The following PCDHGA12 variants were observed in gnomAD, a reference collection of about 807,000 sequenced individuals.
PCDHGA12 encodes the protein protocadherin gamma subfamily A, 12, also known as protocadherin gamma-A12.
PCDHGA12 carries 43 observed loss-of-function variants against 61.1 expected under a neutral mutation model. The ratio of observed to expected loss-of-function variants is 0.70; its 90% CI spans 0.55 to 0.91. The LOEUF (loss-of-function observed/expected upper bound fraction) is 0.91, where lower values mean the gene tolerates loss of function less well. Ranked by LOEUF, PCDHGA12 falls within the 40% of genes least tolerant of loss-of-function variation. The pLI, the probability that PCDHGA12 is intolerant of heterozygous loss-of-function variation, is 0.00. For missense variants in PCDHGA12, 1,236 were observed against 1,227.7 expected (o/e 1.01, Z -0.10); for synonymous variants, 520 against 542.9 (o/e 0.96, Z 0.59).
intron 1 of PCDHGA12, among the ~76,000 whole-genome samples, chr5:141,468,914 G>A (rs563780068): frequency 2.6e-5 from 4 of 151,700 alleles, no homozygotes; most frequent in Admixed American, 2.6e-4. Context: ...CAGACTAGAA[G>A]AGAATAGCAC....
chr5:141,505,405 C>T lies in PCDHGA12; in HGVS notation c.2496C>T (p.Gly832=), dbSNP rs745516568. 2.5e-6 allele frequency: 4 copies of T among 1,614,130 alleles called. No individual in the cohort carries two copies. The highest frequency in any genetic ancestry group is 3.3e-4 in the Middle Eastern group (2 of 6,062). ...QRPGTSGSQN[G]DDTGTWPNNQ... ...ACTCTCTCCCCAGCTCCCAAAATGG[C>T]GATGACACCGGCACCTGGCCCAACA... Residue 832 remains glycine (G), a synonymous_variant, in exon 3 of 4, where the codon GGC becomes GGT. Transcript: ENST00000252085.
chr5:141,502,516 A>G (rs947349505), intron 2 of PCDHGA12, among the ~76,000 whole-genome samples: 1 of 152,146 alleles, frequency 6.6e-6, no homozygotes, highest in African/African-American at 2.4e-5. Flanking sequence ...TCCCACTATC[A>G]GTGATGCCGA....
intron 2 of PCDHGA12, among the ~76,000 whole-genome samples, chr5:141,501,333 A>ACACACC (rs1186649373): frequency 1.5e-4 from 21 of 140,134 alleles, no homozygotes; most frequent in African/African-American, 3.4e-4. Flanking sequence ...ACACACACAC[A>ACACACC]CCCCAAACTC....
chr5:141,451,163 G>A (rs2098709493), intron 1 of PCDHGA12, among the ~76,000 whole-genome samples: 1 of 152,086 alleles, frequency 6.6e-6, no homozygotes, highest in African/African-American at 2.4e-5. Flanking sequence ...TTTTTTGGTA[G>A]TATATTATTT....
chr5:141,460,214 G>C (rs925628892), intron 1 of PCDHGA12, among the ~76,000 whole-genome samples: 1 of 151,896 alleles, frequency 6.6e-6, no homozygotes, highest in South Asian at 2.1e-4. Flanking sequence ...CATTTTCTTA[G>C]TTGTGTCTTT....
rs1187424114 is a variant in PCDHGA12, at chr5:141,485,341, G to A, written c.2425-9466G>A. On this transcript the variant is annotated intron_variant, in intron 1 of 3. Transcript: ENST00000252085. The surrounding 1 kb of genome is among the most constrained non-coding windows in gnomAD (Gnocchi z 5.7). ...TCGCTCAAGATTTCCTGCTGGATAC[G>A]GACAGTCTGTCAGCTCGCAGGCTGC... 2 of 1,614,118 alleles carry A rather than the reference G, an allele frequency of 1.2e-6. No individual in the cohort carries two copies. The highest frequency in any genetic ancestry group is 1.7e-5 in the Admixed American group (1 of 60,018).
chr5:141,490,380 T>C lies in PCDHGA12; in HGVS notation c.2425-4427T>C, dbSNP rs1246254637. 1 of 1,614,204 alleles carries C rather than the reference T, an allele frequency of 6.2e-7. No individual in the cohort carries two copies. ...TTAATGTGCGAGACCGGGACTCAGGTAGAAATGGTGAAGTGAGCCTTGATA... is the reference window on the plus strand; with the variant it reads ...TTAATGTGCGAGACCGGGACTCAGGCAGAAATGGTGAAGTGAGCCTTGATA... On this transcript the variant is annotated intron_variant, in intron 1 of 3. Coordinates refer to ENST00000252085, the MANE Select transcript of PCDHGA12 (RefSeq NM_003735.3). This position sits in a 1 kb window ranked among gnomAD's most constrained non-coding sequence, Gnocchi z 5.4.
intron 1 of PCDHGA12, among the ~76,000 whole-genome samples, chr5:141,444,735 C>G (rs924159168): frequency 6.6e-6 from 1 of 152,116 alleles, no homozygotes; most frequent in Admixed American, 6.5e-5. Flanking sequence ...TGTTGAAAGT[C>G]ATTTCACTGA....
At chr5:141,484,347 T>C (rs569724902) in intron 1 of PCDHGA12, among the ~76,000 whole-genome samples, 2 of 152,302 alleles carry the variant, frequency 1.3e-5, no homozygotes, top group East Asian at 1.9e-4. Flanking sequence ...AATGGTAATT[T>C]AGTGTATCTA....
At chr5:141,433,358 CCTATCTATCTATCTATCTAT>C (rs3074541) in intron 1 of PCDHGA12, 175 bp downstream of exon 1, 19 of 503,934 alleles carry the variant, frequency 3.8e-5, no homozygotes, top group South Asian at 2.3e-4. Flanking sequence ...CTACTGTCTG[CCTATCTATCTATCTATCTAT>C]CTATCTATCT....
intron 1 of PCDHGA12, among the ~76,000 whole-genome samples, chr5:141,462,650 TC>T (rs1254671361): frequency 7.3e-6 from 1 of 137,262 alleles, no homozygotes; most frequent in African/African-American, 3.0e-5. Context: ...ATTTCCATCC[TC>T]AATTATCTTC....
chr5:141,489,893 G>A lies in PCDHGA12; in HGVS notation c.2425-4914G>A. ...CTGGTGCTTACTGCTGTGGATGGGG[G>A]GACCCCAGCCCGCTCAGGGACCACC... On this transcript the variant is annotated intron_variant, in intron 1 of 3. Transcript: ENST00000252085. This position sits in a 1 kb window ranked among gnomAD's most constrained non-coding sequence, Gnocchi z 4.5. 6.2e-7 allele frequency: 1 copy of A among 1,614,190 alleles called. No individual in the cohort carries two copies. Among genetic ancestry groups the A allele is most frequent in the South Asian group, 1.1e-5 (1 of 91,084 alleles).
chr5:141,449,900 A>G (rs2098658617), intron 1 of PCDHGA12, among the ~76,000 whole-genome samples: 2 of 151,878 alleles, frequency 1.3e-5, no homozygotes, highest in South Asian at 2.1e-4. Context: ...TATTTAGCCT[A>G]TAGTCCATAT....
At chr5:141,481,703 C>T (rs909197135) in intron 1 of PCDHGA12, among the ~76,000 whole-genome samples, 1 of 152,090 alleles carries the variant, frequency 6.6e-6, no homozygotes, top group Admixed American at 6.5e-5. Context: ...CCTGTAATCC[C>T]AGCACTTTGG....
rs78612001 is a variant in PCDHGA12 at position 141,432,435 on chromosome 5, C to A, written c.1676C>A (p.Ala559Glu). ...TTCGTGCTGGACCAGAACGACAATG[C>A]GCCCGAGATCCTGTACCCCGCCCTC... ...SLFVLDQNDN[A>E]PEILYPALPT... is the part of the protein sequence containing the mutation. The change falls in exon 1 of 4, where the codon GCG (alanine) becomes GAG (glutamate). Residue 559 changes from alanine (A) to glutamate (E), a missense_variant. Coordinates refer to ENST00000252085, the MANE Select transcript of PCDHGA12 (RefSeq NM_003735.3). The surrounding 1 kb of genome is among the most constrained non-coding windows in gnomAD (Gnocchi z 6.0). The A allele has an allele frequency of 0.027, 43,228 of 1,614,212 alleles. 830 individuals are homozygous for A. The highest frequency in any genetic ancestry group is 0.092 in the African/African-American group (6,903 of 75,054).
chr5:141,447,023 G>GTTT, intron 1 of PCDHGA12, among the ~76,000 whole-genome samples: 1 of 151,542 alleles, frequency 6.6e-6, no homozygotes, highest in African/African-American at 2.4e-5. Context: ...GTTTTGTTTT[G>GTTT]TTTTTTTTCT....
Position 141,490,083 on chromosome 5 carries a change from T to G in PCDHGA12, c.2425-4724T>G. Reference sequence around the variant, plus strand: ...CCAACGGCCAACTAGACTATTCTTTTGGAGACCACACATCTGAGGCAGTGC... The same window carrying G: ...CCAACGGCCAACTAGACTATTCTTTGGGAGACCACACATCTGAGGCAGTGC... On this transcript the variant is annotated intron_variant, in intron 1 of 3. Coordinates refer to ENST00000252085, the MANE Select transcript of PCDHGA12 (RefSeq NM_003735.3). This position sits in a 1 kb window ranked among gnomAD's most constrained non-coding sequence, Gnocchi z 5.4. 1.2e-6 allele frequency: 2 copies of G among 1,614,262 alleles called. No individual in the cohort carries two copies. The highest frequency in any genetic ancestry group is 1.7e-6 in the Non-Finnish European group (2 of 1,180,054).
chr5:141,494,752 T>C (rs889400984), intron 1 of PCDHGA12, 55 bp from the exon 2 acceptor site: 18 of 1,612,206 alleles, frequency 1.1e-5, no homozygotes, highest in Non-Finnish European at 1.5e-5. Context: ...GGGGCTCGGG[T>C]GACATTCTAA....
rs1372368815 is a variant in PCDHGA12 at position 141,491,370 on chromosome 5, C to T, written c.2425-3437C>T. 3 of 1,614,038 alleles carry T rather than the reference C, an allele frequency of 1.9e-6. No individual in the cohort carries two copies. The highest frequency in any genetic ancestry group is 2.2e-5 in the East Asian group (1 of 44,880). ...GTCTCTTATCCCTAGTCACCTTCAC[C>T]TTTCTGTCAGCGAAGTGCCTTCAGG... On this transcript the variant is annotated intron_variant, in intron 1 of 3. Transcript: ENST00000252085. The surrounding 1 kb of genome is among the most constrained non-coding windows in gnomAD (Gnocchi z 6.9).
Sources: gnomAD v4.1 joint callset for allele counts (sites outside exome capture counted in the v4.1 genomes callset) on GRCh38, gnomAD v4.1.1 for gene constraint, Gnocchi (gnomAD v3.1) non-coding constraint, MANE v1.5 for transcripts, NCBI Gene and HGNC (gene_info 2026-07-23, HGNC 2026-07-21) for gene names.